The following STK25 variants were observed in gnomAD, a reference collection of about 807,000 sequenced individuals.
STK25 encodes serine/threonine kinase 25.
STK25 carries 29 observed loss-of-function variants against 53.8 expected under a neutral mutation model. That is an observed-to-expected ratio of 0.54 (90% CI 0.40 to 0.74). The LOEUF is 0.74. Ranked by LOEUF, STK25 falls within the 30% of genes least tolerant of loss-of-function variation. The probability of loss-of-function intolerance (pLI) is 0.00; values close to 1 mark genes in which losing one functional copy is unlikely to be tolerated. For missense variants in STK25, 420 were observed against 568.0 expected (o/e 0.74, Z 2.65); for synonymous variants, 247 against 238.3 (o/e 1.04, Z -0.33).
chr2:241,507,591 C>A (rs1305793532), intron 2 of STK25, among the ~76,000 whole-genome samples: 1 of 152,222 alleles, frequency 6.6e-6, no homozygotes, highest in Non-Finnish European at 1.5e-5. Flanking sequence ...ACAGCCCCTG[C>A]CCAGCCCAAC....
intron 1 of STK25, 90 bp from the exon 2 acceptor site, chr2:241,508,225 C>T: frequency 7.5e-7 from 1 of 1,331,542 alleles, no homozygotes; most frequent in Non-Finnish European, 9.6e-7. Flanking sequence ...GGGGGGGGCC[C>T]AGGAGACCCC....
chr2:241,500,804 C>T lies in STK25; in HGVS notation c.262-8G>A, dbSNP rs745671093. 4 of 1,613,410 alleles carry T rather than the reference C, an allele frequency of 2.5e-6. No individual in the cohort carries two copies. Among genetic ancestry groups the T allele is most frequent in the Non-Finnish European group, 1.7e-6 (2 of 1,179,708 alleles). ...GATCCATAGCTTGGTGCTCTGGGAC[C>T]GGAGACAAACCCATCAGCATTTGGC... is the stretch of plus-strand genomic sequence containing the variant. On this transcript the variant is annotated splice_region_variant and splice_polypyrimidine_tract_variant and intron_variant, in intron 3 of 11. Transcript: ENST00000316586.
At chr2:241,502,030 G>A (rs1295095145) in intron 2 of STK25, 6 of 283,558 alleles carry the variant, frequency 2.1e-5, no homozygotes, top group East Asian at 8.7e-5. Flanking sequence ...TGGGCGTGGC[G>A]GCTCATGCCT....
chr2:241,505,913 C>T (rs1382564884), intron 2 of STK25, among the ~76,000 whole-genome samples: 10 of 152,334 alleles, frequency 6.6e-5, no homozygotes, highest in African/African-American at 2.4e-4. Flanking sequence ...GGCCACTCAG[C>T]TGACTCGAGC....
intron 2 of STK25, among the ~76,000 whole-genome samples, 172 bp downstream of exon 2, chr2:241,507,834 G>GC (rs2065935910): frequency 6.6e-6 from 1 of 152,260 alleles, no homozygotes; most frequent in African/African-American, 2.4e-5. Flanking sequence ...ACACGGCAGA[G>GC]CCCCGGGGCC....
chr2:241,498,442 G>A (rs879308875), intron 8 of STK25, 93 bp from the exon 9 acceptor site: 71 of 1,320,244 alleles, frequency 5.4e-5, no homozygotes, highest in Non-Finnish European at 6.7e-5. Context: ...GGAAACCCGA[G>A]GTACCAGACG....
chr2:241,506,583 C>G (rs1180279405), intron 2 of STK25, among the ~76,000 whole-genome samples: 1 of 152,162 alleles, frequency 6.6e-6, no homozygotes, highest in Non-Finnish European at 1.5e-5. Context: ...GCCTGACCAA[C>G]ATGGTGAAAC....
intron 10 of STK25, chr2:241,497,384 G>GA (rs1250584519): frequency 7.6e-5 from 41 of 536,490 alleles, no homozygotes; most frequent in African/African-American, 2.3e-4. Context: ...TGCACCTGAA[G>GA]AAAAAAAAGT....
In STK25 at chr2:241,498,269, A is replaced by C; in HGVS notation, c.998T>G (p.Leu333Arg). 6.2e-7 allele frequency: 1 copy of C among 1,612,156 alleles called. No homozygotes were observed. Among genetic ancestry groups the C allele is most frequent in the Non-Finnish European group, 8.5e-7 (1 of 1,178,528 alleles). The change falls in exon 9 of 12, where the codon CTT becomes CGT. Residue 333 changes from leucine to arginine, a missense_variant. Physicochemically the swap from Leu to Arg is moderately radical, Grantham distance 102. Transcript: ENST00000316586. ...ACTGTGCAGGGCCGTCCCCTTGTGA[A>C]GCTTGCTGTGTGGACTCGGCCGGAT... is the stretch of plus-strand genomic sequence containing the variant. ...PTIRPSPHSKLHKGTALHSSQ... is the reference protein window; with the variant it reads ...PTIRPSPHSKRHKGTALHSSQ...
At chr2:241,500,071 G>A (rs560642439) in intron 5 of STK25, 102 bp downstream of exon 5, 2 of 962,394 alleles carry the variant, frequency 2.1e-6, no homozygotes, top group Non-Finnish European at 3.3e-6. Context: ...CTATACTCCA[G>A]ACCCTGGGCA....
intron 3 of STK25, 82 bp from the exon 4 acceptor site, chr2:241,500,878 G>T: frequency 1.4e-6 from 2 of 1,444,336 alleles, no homozygotes; most frequent in Non-Finnish European, 1.9e-6. Context: ...GCCGGAGTCA[G>T]CCAGGGCCCA....
chr2:241,501,509 T>A lies in STK25; in HGVS notation c.230A>T (p.Tyr77Phe), dbSNP rs770438782. The stretch of plus-strand genomic sequence containing the variant: ...GTAGGAGCCAAAGTAGCGGGTGATG[T>A]AGGGGCTGTCGCACTGACTGAGGAC... ...ITVLSQCDSP[Y>F]ITRYFGSYLK... Residue 77 changes from tyrosine (Y) to phenylalanine (F), a missense_variant, in exon 3 of 12, where the codon TAC becomes TTC. Physicochemically the swap from Tyr to Phe is conservative, Grantham distance 22 (BLOSUM62 3). Coordinates refer to ENST00000316586, the MANE Select transcript of STK25 (RefSeq NM_001271977.2). The surrounding 1 kb of genome is among the most constrained non-coding windows in gnomAD (Gnocchi z 5.3). 1 of 1,614,068 alleles carries A rather than the reference T, an allele frequency of 6.2e-7. No individual in the cohort carries two copies. Among genetic ancestry groups the A allele is most frequent in the South Asian group, 1.1e-5 (1 of 91,090 alleles).
At chr2:241,499,622 G>A (rs1375205347) in intron 5 of STK25, 13 of 624,888 alleles carry the variant, frequency 2.1e-5, no homozygotes, top group East Asian at 8.3e-5. Context: ...GCTCCACTCC[G>A]AGCTCCAGGG....
chr2:241,499,669 G>A (rs781128643), intron 5 of STK25: 15 of 573,594 alleles, frequency 2.6e-5, no homozygotes, highest in Non-Finnish European at 4.3e-5. Context: ...AAATCCCAAC[G>A]ACAAGCGACT....
At chr2:241,505,199 C>T (rs781520047) in intron 2 of STK25, among the ~76,000 whole-genome samples, 33 of 152,140 alleles carry the variant, frequency 2.2e-4, no homozygotes, top group Non-Finnish European at 1.3e-4. Context: ...CCTGCTCCTC[C>T]TCCAGCAGGC....
chr2:241,507,250 C>T (rs2065887389), intron 2 of STK25, among the ~76,000 whole-genome samples: 1 of 152,218 alleles, frequency 6.6e-6, no homozygotes, highest in Admixed American at 6.5e-5. Context: ...CCCAGGTTGG[C>T]TGACCCCACC....
chr2:241,508,605 G>C, upstream of STK25: 1 of 987,138 alleles, frequency 1.0e-6, no homozygotes, highest in Non-Finnish European at 1.2e-6. Flanking sequence ...CGGCGAGGGC[G>C]GTGCTCGGCG....
chr2:241,500,872 G>A, intron 3 of STK25, 76 bp from the exon 4 acceptor site: 1 of 1,487,678 alleles, frequency 6.7e-7, no homozygotes, highest in East Asian at 2.3e-5. Flanking sequence ...TCACAGGCCG[G>A]AGTCAGCCAG....
Position 241,494,292 on chromosome 2 carries a change from T to TC in STK25, c.*1369dup, listed in dbSNP as rs1219777382. The TC allele has an allele frequency of 9.6e-6, 4 of 415,524 alleles. No individual in the cohort carries two copies. Among genetic ancestry groups the TC allele is most frequent in the African/African-American group, 4.1e-5 (2 of 48,304 alleles). The allele number at this position is 415,524 out of a possible 1,614,324, so 25.7% of individuals were successfully genotyped here. On this transcript the variant is annotated 3_prime_UTR_variant, in exon 12 of 12. Coordinates refer to ENST00000316586, the MANE Select transcript of STK25 (RefSeq NM_001271977.2). This position sits in a 1 kb window ranked among gnomAD's most constrained non-coding sequence, Gnocchi z 4.9. ...CATGTAACATCTGGGAGGGGCTTCA[T>TC]CCCCCCACCCAGGACCTAGTGCATG...
Sources: gnomAD v4.1 joint callset for allele counts (sites outside exome capture counted in the v4.1 genomes callset) on GRCh38, gnomAD v4.1.1 for gene constraint, Gnocchi (gnomAD v3.1) non-coding constraint, MANE v1.5 for transcripts, NCBI Gene and HGNC (gene_info 2026-07-23, HGNC 2026-07-21) for gene names.